Variants in SLC1A2 observed in about 807,000 individuals in gnomAD.
The protein encoded by SLC1A2 is solute carrier family 1 member 2.
SLC1A2 carries 15 observed loss-of-function variants against 48.8 expected under a neutral mutation model. The ratio of observed to expected loss-of-function variants is 0.31; its 90% CI spans 0.21 to 0.47. The LOEUF is 0.47. Among genes scored for constraint, SLC1A2 ranks in the 20% least tolerant of loss-of-function variants. The probability of loss-of-function intolerance (pLI) is 0.99; values close to 1 mark genes in which losing one functional copy is unlikely to be tolerated. For synonymous variants in SLC1A2, 279 were observed against 272.6 expected, an observed-to-expected ratio of 1.02 and a Z score of -0.23; for missense variants, 502 against 730.5, an observed-to-expected ratio of 0.69 and a Z score of 3.61.
chr11:35,372,964 G>C (rs1300889746), intron 1 of SLC1A2, among the ~76,000 whole-genome samples: 1 of 152,206 alleles, frequency 6.6e-6, no homozygotes, highest in Non-Finnish European at 1.5e-5. Context: ...GCTCGAACTT[G>C]TTTAGCACAT....
chr11:35,387,008 A>C (rs570684887), intron 1 of SLC1A2, among the ~76,000 whole-genome samples: 1 of 152,172 alleles, frequency 6.6e-6, no homozygotes, highest in East Asian at 1.9e-4. Context: ...AGAATCAAGC[A>C]ATCCTCTTGC....
intron 1 of SLC1A2, among the ~76,000 whole-genome samples, chr11:35,371,984 T>C (rs1335305129): frequency 2.0e-5 from 3 of 152,216 alleles, no homozygotes; most frequent in Non-Finnish European, 4.4e-5. Context: ...CTAATACTCC[T>C]GGACAATGCA....
In SLC1A2 at chr11:35,282,555, C is replaced by T. The variant is rs1284118378; in HGVS notation, c.1287-1554G>A. Reference sequence around the variant, plus strand: ...TGAATTGTTTTTCTTATCAAGAAATCTGGACAGGACCAGGCTGCTTTGCAA... The same window carrying T: ...TGAATTGTTTTTCTTATCAAGAAATTTGGACAGGACCAGGCTGCTTTGCAA... On this transcript the variant is annotated intron_variant, in intron 8 of 10. Transcript: ENST00000278379. Among the ~76,000 whole-genome samples, 3 of 151,526 alleles carry T rather than the reference C, an allele frequency of 2.0e-5. No individual in the cohort carries two copies. The Admixed American group carries it at 2.0e-4, about 10-fold the overall frequency.
At chr11:35,389,302 A>C (rs190832680) in intron 1 of SLC1A2, among the ~76,000 whole-genome samples, 2 of 152,324 alleles carry the variant, frequency 1.3e-5, no homozygotes, top group Non-Finnish European at 2.9e-5. Context: ...TCCCATTCAC[A>C]TGCCCAGGTA....
At chr11:35,311,866 TATA>T (rs1170044538) in intron 4 of SLC1A2, among the ~76,000 whole-genome samples, 3 of 90,240 alleles carry the variant, frequency 3.3e-5, no homozygotes, top group African/African-American at 1.5e-4. Context: ...AAGAGATAGA[TATA>T]AGGAGAGAGA....
intron 8 of SLC1A2, 141 bp from the exon 9 acceptor site, chr11:35,281,142 A>G: frequency 8.4e-7 from 1 of 1,195,602 alleles, no homozygotes; most frequent in South Asian, 1.8e-5. Context: ...CAAGGAATAG[A>G]GAAATCTAAA....
intron 6 of SLC1A2, among the ~76,000 whole-genome samples, chr11:35,300,558 C>T (rs1404351748): frequency 6.6e-6 from 1 of 152,212 alleles, no homozygotes; most frequent in African/African-American, 2.4e-5. Context: ...GGAATAGGCC[C>T]TCCACAGATA....
chr11:35,363,974 G>A (rs946845795), intron 1 of SLC1A2, among the ~76,000 whole-genome samples: 3 of 152,140 alleles, frequency 2.0e-5, no homozygotes, highest in African/African-American at 7.2e-5. Flanking sequence ...CAGGTGGCAG[G>A]GGCACCGGCA....
intron 1 of SLC1A2, chr11:35,360,208 T>C (rs1853626853): frequency 2.5e-6 from 1 of 398,644 alleles, no homozygotes; most frequent in Non-Finnish European, 3.4e-6. Context: ...TCCTACTGAC[T>C]TTTGTCATTT....
intron 1 of SLC1A2, among the ~76,000 whole-genome samples, chr11:35,359,102 C>T (rs987349502): frequency 6.6e-6 from 1 of 152,176 alleles, no homozygotes; most frequent in African/African-American, 2.4e-5. Context: ...GGGTAAACTG[C>T]TTGACAATAA....
chr11:35,363,689 G>A (rs1853755151), intron 1 of SLC1A2, among the ~76,000 whole-genome samples: 1 of 152,150 alleles, frequency 6.6e-6, no homozygotes, highest in Non-Finnish European at 1.5e-5. Context: ...TTCTTGATGA[G>A]GCAAAGAGAG....
At chr11:35,334,298 A>T (rs1852538757) in intron 1 of SLC1A2, among the ~76,000 whole-genome samples, 1 of 152,196 alleles carries the variant, frequency 6.6e-6, no homozygotes, top group South Asian at 2.1e-4. Flanking sequence ...CCTGGCTCTC[A>T]TTAAGTTAGC....
Position 35,253,699 on chromosome 11 carries a change from C to T in SLC1A2, c.*7195G>A, listed in dbSNP as rs1950273865. On this transcript the variant is annotated 3_prime_UTR_variant, in exon 11 of 11. Coordinates refer to ENST00000278379, the MANE Select transcript of SLC1A2 (RefSeq NM_004171.4). ...CTAAAGACTGGGTTCTTAAATTTGT[C>T]AAATGTGACTATATAGTCAAGAAAC... is the stretch of plus-strand genomic sequence containing the variant. The T allele has an allele frequency of 6.6e-6, 1 of 152,536 alleles. No individual in the cohort carries two copies. Among genetic ancestry groups the T allele is most frequent in the African/African-American group, 2.4e-5 (1 of 41,422 alleles). The allele number at this position is 152,536 out of a possible 1,614,324, so 9.4% of individuals were successfully genotyped here.
intron 9 of SLC1A2, among the ~76,000 whole-genome samples, chr11:35,268,101 T>G (rs1253668603): frequency 3.9e-5 from 6 of 152,316 alleles, no homozygotes; most frequent in African/African-American, 7.2e-5. Context: ...TGATTCCATG[T>G]TTTTTTCTTC....
At chr11:35,388,097 A>G (rs988733924) in intron 1 of SLC1A2, among the ~76,000 whole-genome samples, 1 of 152,246 alleles carries the variant, frequency 6.6e-6, no homozygotes, top group Admixed American at 6.5e-5. Context: ...GCCTGAATCC[A>G]AAGACTGTGT....
At position 35,404,433 on chromosome 11, in the gene SLC1A2, A is replaced by G. The variant is rs191497172; in HGVS notation, c.17+14517T>C. The stretch of plus-strand genomic sequence containing the variant: ...ACCCAGGACCCGCTGGTGAATGGCA[A>G]CTGCTGTCAACTCACTTTCAACCTC... On this transcript the variant is annotated intron_variant, in intron 1 of 10. Coordinates refer to ENST00000278379, the MANE Select transcript of SLC1A2 (RefSeq NM_004171.4). 3 of 152,476 alleles carry G rather than the reference A, an allele frequency of 2.0e-5. No homozygotes were observed. The East Asian group carries it at 5.8e-4, about 29-fold the overall frequency. 9.4% of individuals were successfully genotyped at this position (152,476 alleles called of 1,614,324 possible). A position where few individuals can be genotyped will look rare whatever the true frequency, so the allele number is the denominator to read the frequency against.
intron 1 of SLC1A2, among the ~76,000 whole-genome samples, chr11:35,400,006 G>C (rs1176780671): frequency 6.6e-6 from 1 of 152,166 alleles, no homozygotes; most frequent in African/African-American, 2.4e-5. Context: ...GTCAACCCCA[G>C]AGCCATTTGA....
intron 1 of SLC1A2, among the ~76,000 whole-genome samples, chr11:35,369,229 A>C (rs1195756423): frequency 2.0e-5 from 3 of 152,132 alleles, no homozygotes; most frequent in Non-Finnish European, 4.4e-5. Context: ...CTTCCCAGAG[A>C]CTGGGGGCTC....
chr11:35,312,262 T>G lies in SLC1A2; in HGVS notation c.497A>C (p.Asp166Ala). The G allele has an allele frequency of 6.2e-7, 1 of 1,614,008 alleles. No individual in the cohort carries two copies. The highest frequency in any genetic ancestry group is 1.3e-5 in the African/African-American group (1 of 74,992). The change falls in exon 4 of 11, where the codon GAT (aspartate) becomes GCT (alanine). Residue 166 changes from aspartate to alanine, a missense_variant. By Grantham distance (126) the Asp-to-Ala change is moderately radical. Transcript: ENST00000278379. ...ATTTCGAATAAGGTCCAGGAAGGCA[T>G]CCAGGCTGGACACTTCATCATTCTT... ...GKKNDEVSSL[D>A]AFLDLIRNLF...
Sources: allele counts gnomAD v4.1 joint callset (sites outside exome capture counted in the v4.1 genomes callset), GRCh38; gene constraint gnomAD v4.1.1; transcripts MANE v1.5; gene names NCBI Gene and HGNC (gene_info 2026-07-23, HGNC 2026-07-21).